Variants in MAP4K4 observed in about 807,000 individuals in gnomAD.
MAP4K4 encodes the protein HPK/GCK-like kinase HGK.
Under a neutral mutation model 189.6 loss-of-function variants are expected in MAP4K4, and 38 were observed. The ratio of observed to expected loss-of-function variants is 0.20; its 90% CI spans 0.15 to 0.26. MAP4K4 has a LOEUF of 0.26. MAP4K4 is among the 10% of genes least tolerant of loss of function. MAP4K4 has a pLI of 1.00. For synonymous variants in MAP4K4, 610 were observed against 624.3 expected (o/e 0.98, Z 0.34); for missense variants, 1,054 against 1,726.9 (o/e 0.61, Z 6.91).
intron 5 of MAP4K4, among the ~76,000 whole-genome samples, chr2:101,828,844 TC>T (rs1204859970): frequency 3.3e-5 from 5 of 152,346 alleles, no homozygotes; most frequent in African/African-American, 1.2e-4. Flanking sequence ...GTGTTTTTGT[TC>T]TTCCACCACC....
intron 12 of MAP4K4, among the ~76,000 whole-genome samples, chr2:101,847,147 C>T (rs751779373): frequency 8.5e-5 from 13 of 152,198 alleles, no homozygotes; most frequent in Admixed American, 2.0e-4. Context: ...GCCATTGTAA[C>T]GTGTAATGGG....
At chr2:101,797,282 C>T in intron 3 of MAP4K4, 1 of 1,290,800 alleles carries the variant, frequency 7.7e-7, no homozygotes, top group Non-Finnish European at 1.0e-6. Context: ...GGCCTTACAG[C>T]TTCGTACTGG....
At chr2:101,879,169 T>C (rs925404028) in intron 27 of MAP4K4, among the ~76,000 whole-genome samples, 2 of 120,438 alleles carry the variant, frequency 1.7e-5, no homozygotes, top group African/African-American at 6.6e-5. Flanking sequence ...CACTCCAGCC[T>C]GGGTGACAGA....
At chr2:101,769,403 G>A (rs558581354) in intron 2 of MAP4K4, among the ~76,000 whole-genome samples, 1 of 152,258 alleles carries the variant, frequency 6.6e-6, no homozygotes, top group African/African-American at 2.4e-5. Flanking sequence ...GGTCATAACA[G>A]ATAGAATTTT....
At chr2:101,774,426 G>A (rs1162718190) in intron 2 of MAP4K4, among the ~76,000 whole-genome samples, 2 of 152,020 alleles carry the variant, frequency 1.3e-5, no homozygotes, top group Non-Finnish European at 2.9e-5. Context: ...TTTTCCTATA[G>A]CGTTGTTTGA....
intron 9 of MAP4K4, among the ~76,000 whole-genome samples, chr2:101,836,327 T>C (rs1318892045): frequency 1.3e-5 from 2 of 152,156 alleles, no homozygotes; most frequent in Admixed American, 6.5e-5. Flanking sequence ...CTCGCACCTG[T>C]AATCCCAGCG....
At chr2:101,873,341 CTT>C (rs766541760) in intron 24 of MAP4K4, among the ~76,000 whole-genome samples, 30 of 151,942 alleles carry the variant, frequency 2.0e-4, no homozygotes, top group Non-Finnish European at 3.8e-4. Flanking sequence ...TAAGTATTTA[CTT>C]AATTTTTTTT....
intron 2 of MAP4K4, among the ~76,000 whole-genome samples, chr2:101,706,115 T>C (rs2042182002): frequency 6.6e-6 from 1 of 152,182 alleles, no homozygotes; most frequent in African/African-American, 2.4e-5. Flanking sequence ...AAAGCGCTCA[T>C]ACCAAAAGTC....
At chr2:101,779,147 CTTCT>C (rs772526279) in intron 2 of MAP4K4, among the ~76,000 whole-genome samples, 2 of 152,222 alleles carry the variant, frequency 1.3e-5, no homozygotes, top group Non-Finnish European at 2.9e-5. Flanking sequence ...ACAGTGAGTG[CTTCT>C]TTATCGGCCC....
intron 9 of MAP4K4, among the ~76,000 whole-genome samples, chr2:101,838,099 T>G (rs977071201): frequency 6.6e-6 from 1 of 152,250 alleles, no homozygotes; most frequent in Non-Finnish European, 1.5e-5. Flanking sequence ...AGTGTCCTTC[T>G]GCCAGCAGAA....
chr2:101,777,782 T>C (rs1421680557), intron 2 of MAP4K4, among the ~76,000 whole-genome samples: 1 of 152,196 alleles, frequency 6.6e-6, no homozygotes, highest in African/African-American at 2.4e-5. Flanking sequence ...TTGTTCACTG[T>C]TGTATCCCTA....
intron 2 of MAP4K4, among the ~76,000 whole-genome samples, chr2:101,736,698 A>C (rs1294872029): frequency 1.3e-5 from 2 of 152,144 alleles, no homozygotes; most frequent in Non-Finnish European, 2.9e-5. Context: ...TGTGCCCTTT[A>C]GGACCCTGTT....
Position 101,870,665 on chromosome 2 carries a change from C to T in MAP4K4, c.2760+250C>T, listed in dbSNP as rs114740955. ...TGCGGCAGCCCTCATTCAAGCACCG[C>T]GCTGAGTCTCACAGTCTATGTCTGA... On this transcript the variant is annotated intron_variant, in intron 23 of 32. Transcript: ENST00000324219. 1.8e-3 allele frequency: 793 copies of T among 453,126 alleles called. 7 individuals are homozygous for T. The highest frequency in any genetic ancestry group is 0.014 in the African/African-American group (726 of 50,176). The allele number at this position is 453,126 out of a possible 1,614,324, so 28.1% of individuals were successfully genotyped here.
intron 30 of MAP4K4, among the ~76,000 whole-genome samples, 200 bp from the exon 31 acceptor site, chr2:101,887,578 T>C (rs1214735708): frequency 1.3e-5 from 2 of 152,162 alleles, no homozygotes; most frequent in East Asian, 3.8e-4. Flanking sequence ...TCAGGAGATA[T>C]GAGTCAGTAG....
At chr2:101,821,730 C>T (rs1282868081) in intron 3 of MAP4K4, among the ~76,000 whole-genome samples, 4 of 152,094 alleles carry the variant, frequency 2.6e-5, no homozygotes, top group Non-Finnish European at 5.9e-5. Context: ...ACTTAGGATA[C>T]ACTAAATTTG....
At chr2:101,863,703 T>C in intron 16 of MAP4K4, 118 bp from the exon 17 acceptor site, 1 of 561,486 alleles carries the variant, frequency 1.8e-6, no homozygotes, top group East Asian at 5.5e-5. Context: ...GACCTAACAC[T>C]GTACCACCCC....
intron 2 of MAP4K4, among the ~76,000 whole-genome samples, chr2:101,728,313 G>C (rs1318015657): frequency 6.6e-6 from 1 of 152,154 alleles, no homozygotes; most frequent in Non-Finnish European, 1.5e-5. Flanking sequence ...GTAAGACTGA[G>C]AATCTGCATT....
chr2:101,867,562 C>T, intron 20 of MAP4K4: 2 of 434,162 alleles, frequency 4.6e-6, no homozygotes, highest in South Asian at 3.4e-5. Context: ...GTACAGTCAG[C>T]CTTACAAAAT....
At chr2:101,814,524 T>C (rs1419273481) in intron 3 of MAP4K4, among the ~76,000 whole-genome samples, 6 of 152,166 alleles carry the variant, frequency 3.9e-5, no homozygotes, top group Admixed American at 3.9e-4. Context: ...CCTTTCCAGA[T>C]TTGCAAATGA....
Sources: gnomAD v4.1 joint callset for allele counts (sites outside exome capture counted in the v4.1 genomes callset) on GRCh38, gnomAD v4.1.1 for gene constraint, MANE v1.5 for transcripts, NCBI Gene and HGNC (gene_info 2026-07-23, HGNC 2026-07-21) for gene names.